Variants in RLF observed in about 807,000 individuals in gnomAD.
The protein encoded by RLF is RLF zinc finger.
RLF carries 7 observed loss-of-function variants against 162.9 expected under a neutral mutation model. That is an observed-to-expected ratio of 0.04 (90% CI 0.02 to 0.08). The LOEUF (loss-of-function observed/expected upper bound fraction) is 0.08, where lower values mean the gene tolerates loss of function less well. Ranked by LOEUF, RLF falls within the 10% of genes least tolerant of loss-of-function variation. RLF has a pLI of 1.00. For synonymous variants in RLF, 782 were observed against 791.5 expected (o/e 0.99, Z 0.20); for missense variants, 1,664 against 2,244.7 (o/e 0.74, Z 5.23).
intron 1 of RLF, among the ~76,000 whole-genome samples, chr1:40,187,041 G>GTT (rs964361830): frequency 1.4e-5 from 2 of 145,954 alleles, no homozygotes; most frequent in Non-Finnish European, 3.0e-5. Context: ...TTGTTTTTTG[G>GTT]TTTTTTTTTT....
chr1:40,173,169 C>G (rs974037982), intron 1 of RLF, among the ~76,000 whole-genome samples: 5 of 151,512 alleles, frequency 3.3e-5, no homozygotes, highest in South Asian at 4.2e-4. Flanking sequence ...ATCTGCCTCC[C>G]GGGTTCAAGC....
rs61780410 is a variant in RLF, at chr1:40,161,717, G to T, written c.237+81G>T. On this transcript the variant is annotated intron_variant, in intron 1 of 7. Coordinates refer to ENST00000372771, the MANE Select transcript of RLF (RefSeq NM_012421.4). This position sits in a 1 kb window ranked among gnomAD's most constrained non-coding sequence, Gnocchi z 4.4. ...GCCCTGGATCCTCTGTAAGCAGCCG[G>T]GTCCAAACTGAAAGGCGCCACCTCC... 19,016 of 1,538,162 alleles carry T rather than the reference G, an allele frequency of 0.012. 1,242 individuals carry two copies. In the African/African-American group the frequency reaches 0.18, roughly 14 times the overall value.
chr1:40,210,595 C>T lies in RLF; in HGVS notation c.810+7981C>T, dbSNP rs115788546. Among the ~76,000 whole-genome samples, 448 of 152,222 alleles carry T rather than the reference C, an allele frequency of 2.9e-3. 3 individuals carry two copies. The highest frequency in any genetic ancestry group is 0.01 in the African/African-American group (434 of 41,526). On this transcript the variant is annotated intron_variant, in intron 5 of 7. Transcript: ENST00000372771. Reference sequence around the variant, plus strand: ...TGCAGTAGAAATTAAGAAGGCTTTGCAGTTAGGAAGTGACATGTCTGAAGT... The same window carrying T: ...TGCAGTAGAAATTAAGAAGGCTTTGTAGTTAGGAAGTGACATGTCTGAAGT...
intron 1 of RLF, among the ~76,000 whole-genome samples, chr1:40,181,069 G>A (rs567088919): frequency 1.0e-3 from 154 of 152,342 alleles, no homozygotes; most frequent in Non-Finnish European, 1.5e-3. Flanking sequence ...TGTATATGGT[G>A]TAAGGTAAGG....
chr1:40,206,515 G>A (rs1642796623), intron 5 of RLF, among the ~76,000 whole-genome samples: 3 of 152,290 alleles, frequency 2.0e-5, no homozygotes, highest in Admixed American at 6.5e-5. Flanking sequence ...TGGCATACTT[G>A]GTTTTACTGT....
rs1433992534 is a variant in RLF at position 40,231,644 on chromosome 1, G to A, written c.1075G>A (p.Val359Ile). The A allele has an allele frequency of 6.2e-7, 1 of 1,612,706 alleles. No individual in the cohort carries two copies. The highest frequency in any genetic ancestry group is 8.5e-7 in the Non-Finnish European group (1 of 1,179,702). The change falls in exon 7 of 8, where the codon GTT becomes ATT. Residue 359 changes from valine to isoleucine, a missense_variant. Val to Ile is a conservative substitution (Grantham distance 29). Transcript: ENST00000372771. ...GCAGCATTTATTTTGCCTCATTAGA[G>A]TTATACAAACTGAAGTGAGTACTTT... Reference protein sequence around the residue: ...TQQHLFCLIRVIQTEAQDAGL... With the variant: ...TQQHLFCLIRIIQTEAQDAGL...
chr1:40,229,448 CTTTTTTTT>C (rs1005418216), intron 6 of RLF, among the ~76,000 whole-genome samples: 2 of 90,980 alleles, frequency 2.2e-5, no homozygotes, highest in African/African-American at 4.6e-5. Flanking sequence ...ATTCATTTAT[CTTTTTTTT>C]TTTTTTTTTT....
chr1:40,171,308 C>T (rs1642241686), intron 1 of RLF, among the ~76,000 whole-genome samples: 1 of 152,152 alleles, frequency 6.6e-6, no homozygotes, highest in African/African-American at 2.4e-5. Flanking sequence ...GGATTAGAGG[C>T]GTGAGCCACC....
chr1:40,215,154 G>T (rs1012918540), intron 5 of RLF, among the ~76,000 whole-genome samples: 1 of 152,056 alleles, frequency 6.6e-6, no homozygotes, highest in African/African-American at 2.4e-5. Context: ...GCATGAAATA[G>T]CAGAATCAAA....
At chr1:40,230,492 C>A (rs905962546) in intron 6 of RLF, among the ~76,000 whole-genome samples, 2 of 151,916 alleles carry the variant, frequency 1.3e-5, no homozygotes, top group African/African-American at 4.8e-5. Context: ...AGTGCAGTGG[C>A]GCTATCTCAG....
Position 40,234,130 on chromosome 1 carries a change from A to G in RLF, c.1090-1662A>G, listed in dbSNP as rs12061950. On this transcript the variant is annotated intron_variant, in intron 7 of 7. Transcript: ENST00000372771. ...TGCCTGGCTAATTTTTTGTATTTTT[A>G]TTAGAAATGGGGTTTTGCCATGTTG... Among the ~76,000 whole-genome samples, 1,438 of 152,192 alleles carry G rather than the reference A, an allele frequency of 9.4e-3. 20 individuals carry two copies. The highest frequency in any genetic ancestry group is 0.032 in the African/African-American group (1,334 of 41,530).
chr1:40,215,265 A>G (rs1338327491), intron 5 of RLF, among the ~76,000 whole-genome samples: 1 of 152,164 alleles, frequency 6.6e-6, no homozygotes, highest in Non-Finnish European at 1.5e-5. Flanking sequence ...AGACTTAAAC[A>G]ATACTGTAAA....
At chr1:40,216,726 A>T (rs1199982631) in intron 5 of RLF, among the ~76,000 whole-genome samples, 3 of 152,158 alleles carry the variant, frequency 2.0e-5, no homozygotes, top group African/African-American at 7.2e-5. Flanking sequence ...TATTACTTTG[A>T]TACTAAAACC....
chr1:40,164,971 A>G (rs1287983771), intron 1 of RLF, among the ~76,000 whole-genome samples: 2 of 152,194 alleles, frequency 1.3e-5, no homozygotes, highest in African/African-American at 4.8e-5. Flanking sequence ...CAGATAGCCT[A>G]TGTACTGGCT....
chr1:40,203,133 G>A (rs192588397), intron 5 of RLF, among the ~76,000 whole-genome samples: 400 of 35,708 alleles, frequency 0.011, 10 homozygotes, highest in East Asian at 0.082. Context: ...TTTTTTTTTT[G>A]AGACAAGGTC....
chr1:40,222,993 A>T (rs1399475239), intron 6 of RLF, among the ~76,000 whole-genome samples: 1 of 137,366 alleles, frequency 7.3e-6, no homozygotes, highest in Non-Finnish European at 1.5e-5. Context: ...AACCTGTGTT[A>T]GTTAGATTGT....
intron 1 of RLF, among the ~76,000 whole-genome samples, chr1:40,188,374 A>G (rs1642511306): frequency 6.6e-6 from 1 of 152,194 alleles, no homozygotes; most frequent in Non-Finnish European, 1.5e-5. Flanking sequence ...ATAACTTCTC[A>G]GATGCCACAG....
At chr1:40,163,768 A>G (rs1642128138) in intron 1 of RLF, among the ~76,000 whole-genome samples, 1 of 152,194 alleles carries the variant, frequency 6.6e-6, no homozygotes, top group Non-Finnish European at 1.5e-5. Flanking sequence ...TTGGGTAACC[A>G]TGTCTGCAAA....
At chr1:40,190,302 GT>G (rs952153661) in intron 2 of RLF, among the ~76,000 whole-genome samples, 2 of 151,612 alleles carry the variant, frequency 1.3e-5, no homozygotes, top group African/African-American at 2.4e-5. Context: ...CTTTTGCTTG[GT>G]TTTTTTTACA....
Sources: allele counts gnomAD v4.1 joint callset (sites outside exome capture counted in the v4.1 genomes callset), GRCh38; gene constraint gnomAD v4.1.1; non-coding constraint Gnocchi (gnomAD v3.1); transcripts MANE v1.5; gene names NCBI Gene and HGNC (gene_info 2026-07-23, HGNC 2026-07-21).